ROBO1: variants seen among roughly 807,000 people sequenced by gnomAD.
The protein encoded by ROBO1 is roundabout guidance receptor 1.
ROBO1 carries 149 observed loss-of-function variants against 195.9 expected under a neutral mutation model. The ratio of observed to expected loss-of-function variants is 0.76; its 90% confidence interval spans 0.67 to 0.87. The LOEUF (loss-of-function observed/expected upper bound fraction) is 0.87. Among genes scored for constraint, ROBO1 ranks in the 40% least tolerant of loss-of-function variants. ROBO1 has a pLI of 0.00. For synonymous variants in ROBO1, 816 were observed against 733.2 expected (o/e 1.11, Z -1.82); for missense variants, 1,933 against 2,068.3 (o/e 0.93, Z 1.27).
intron 19 of ROBO1, among the ~76,000 whole-genome samples, chr3:78,650,052 A>T (rs182092123): frequency 9.9e-5 from 15 of 151,924 alleles, no homozygotes; most frequent in African/African-American, 3.6e-4. Flanking sequence ...AATTCAAGAG[A>T]CTCCACATCT....
intron 1 of ROBO1, among the ~76,000 whole-genome samples, chr3:79,597,051 A>G (rs1455048343): frequency 6.6e-6 from 1 of 152,030 alleles, no homozygotes; most frequent in Non-Finnish European, 1.5e-5. Context: ...TAAAAAATAC[A>G]TATGTCATAC....
At chr3:79,510,777 G>GAA (rs1029473193) in intron 2 of ROBO1, among the ~76,000 whole-genome samples, 1 of 152,046 alleles carries the variant, frequency 6.6e-6, no homozygotes, top group Non-Finnish European at 1.5e-5. Flanking sequence ...TCAATACAAA[G>GAA]ATTCCAAGAT....
intron 3 of ROBO1, among the ~76,000 whole-genome samples, chr3:78,980,890 G>A (rs2076976719): frequency 6.6e-6 from 1 of 152,128 alleles, no homozygotes; most frequent in African/African-American, 2.4e-5. Flanking sequence ...TAACTTGTGA[G>A]TTTTAAAAAT....
intron 2 of ROBO1, among the ~76,000 whole-genome samples, chr3:79,548,479 T>C (rs139649128): frequency 7.2e-5 from 11 of 152,238 alleles, no homozygotes; most frequent in Non-Finnish European, 1.3e-4. Flanking sequence ...CACTGATAAG[T>C]GGATTGTAAG....
chr3:78,996,715 AAC>A lies in ROBO1; in HGVS notation c.173-57790_173-57789del, dbSNP rs113443642. Among the ~76,000 whole-genome samples, 9 of 150,946 alleles carry A rather than the reference AAC, an allele frequency of 6.0e-5. No individual in the cohort carries two copies. The South Asian group carries it at 1.3e-3, about 21-fold the overall frequency. ...ACACATGCACACATACACACACACA[AAC>A]ACACACACACACACCCCTTTTGAAC... On this transcript the variant is annotated intron_variant, in intron 3 of 30. Coordinates refer to ENST00000464233, the MANE Select transcript of ROBO1 (RefSeq NM_002941.4).
intron 5 of ROBO1, 54 bp downstream of exon 5, chr3:78,746,689 A>C: frequency 7.6e-7 from 1 of 1,309,466 alleles, no homozygotes; most frequent in East Asian, 2.7e-5. Context: ...TCTTTGGTAA[A>C]GATACACACA....
chr3:79,219,606 A>T (rs981540474), intron 2 of ROBO1, among the ~76,000 whole-genome samples: 2 of 152,046 alleles, frequency 1.3e-5, no homozygotes, highest in Non-Finnish European at 2.9e-5. Context: ...TTGACCTGCA[A>T]GATGAACAAG....
At chr3:78,643,486 C>G (rs142385539) in intron 21 of ROBO1, among the ~76,000 whole-genome samples, 1 of 152,076 alleles carries the variant, frequency 6.6e-6, no homozygotes, top group African/African-American at 2.4e-5. Context: ...GGTGGGGAGA[C>G]AGTCCAGACC....
chr3:78,937,179 A>C (rs1382800398), intron 4 of ROBO1, among the ~76,000 whole-genome samples: 1 of 152,030 alleles, frequency 6.6e-6, no homozygotes, highest in African/African-American at 2.4e-5. Context: ...CAAGTCATTT[A>C]CATTCTCTAG....
intron 2 of ROBO1, among the ~76,000 whole-genome samples, chr3:79,508,488 T>G (rs1940531040): frequency 6.6e-6 from 1 of 152,284 alleles, no homozygotes; most frequent in East Asian, 1.9e-4. Context: ...CCTAGCAAAC[T>G]AATACACTCA....
chr3:79,600,730 C>T (rs1944315357), intron 1 of ROBO1, among the ~76,000 whole-genome samples: 1 of 151,730 alleles, frequency 6.6e-6, no homozygotes, highest in South Asian at 2.1e-4. Flanking sequence ...CCACACTGTG[C>T]TAATTTCACA....
At chr3:78,661,521 T>C (rs115499427) in intron 15 of ROBO1, among the ~76,000 whole-genome samples, 186 of 152,282 alleles carry the variant, frequency 1.2e-3, no homozygotes, top group African/African-American at 4.1e-3. Context: ...TTCCACTATC[T>C]TTTGATAAAA....
intron 3 of ROBO1, among the ~76,000 whole-genome samples, chr3:79,021,094 A>G (rs1295440824): frequency 6.6e-6 from 1 of 152,204 alleles, no homozygotes; most frequent in African/African-American, 2.4e-5. Flanking sequence ...AGTGAAAGAT[A>G]GTCTAATCCT....
chr3:79,475,153 A>T (rs1398806091), intron 2 of ROBO1, among the ~76,000 whole-genome samples: 6 of 151,674 alleles, frequency 4.0e-5, no homozygotes, highest in Non-Finnish European at 7.4e-5. Context: ...TTTTTTTTAA[A>T]AAAAAATCTT....
At chr3:78,743,522 C>T (rs924875134) in intron 5 of ROBO1, among the ~76,000 whole-genome samples, 2 of 152,118 alleles carry the variant, frequency 1.3e-5, no homozygotes, top group Non-Finnish European at 2.9e-5. Context: ...GCAATCATTC[C>T]CTTGGTGATT....
chr3:79,127,996 T>A (rs944267426), intron 2 of ROBO1, among the ~76,000 whole-genome samples: 1 of 152,216 alleles, frequency 6.6e-6, no homozygotes, highest in Non-Finnish European at 1.5e-5. Flanking sequence ...TTGCTAATTT[T>A]TTTCTTTCTT....
chr3:78,612,395 A>G (rs1309021638), intron 28 of ROBO1, among the ~76,000 whole-genome samples: 1 of 152,022 alleles, frequency 6.6e-6, no homozygotes, highest in Non-Finnish European at 1.5e-5. Flanking sequence ...AATTGTACCA[A>G]TTGTGTCTGC....
intron 15 of ROBO1, 46 bp from the exon 16 acceptor site, chr3:78,661,307 G>A: frequency 1.5e-5 from 17 of 1,149,704 alleles, no homozygotes; most frequent in South Asian, 4.8e-5. Context: ...TTATTGTATT[G>A]GTTCATCAGA....
intron 2 of ROBO1, among the ~76,000 whole-genome samples, chr3:79,305,301 A>T (rs796337194): frequency 6.6e-6 from 1 of 152,118 alleles, no homozygotes; most frequent in East Asian, 1.9e-4. Flanking sequence ...AGACTGGCCA[A>T]TATGGTGAAA....
Sources: gnomAD v4.1 joint callset for allele counts (sites outside exome capture counted in the v4.1 genomes callset) on GRCh38, gnomAD v4.1.1 for gene constraint, MANE v1.5 for transcripts, NCBI Gene and HGNC (gene_info 2026-07-23, HGNC 2026-07-21) for gene names.